CATSPERD: variants seen among roughly 807,000 people sequenced by gnomAD.
CATSPERD encodes catsper channel auxiliary subunit delta.
CATSPERD carries 86 observed loss-of-function variants against 98.1 expected under a neutral mutation model. The ratio of observed to expected loss-of-function variants is 0.88; its 90% CI spans 0.74 to 1.05. CATSPERD has a LOEUF of 1.05. Ranked by LOEUF, CATSPERD falls within the 50% of genes least tolerant of loss-of-function variation. The probability of loss-of-function intolerance (pLI) is 0.00; values close to 1 mark genes in which losing one functional copy is unlikely to be tolerated. For missense variants in CATSPERD, 995 were observed against 1,005.7 expected, an observed-to-expected ratio of 0.99 and a Z score of 0.14; for synonymous variants, 394 against 390.2, an observed-to-expected ratio of 1.01 and a Z score of -0.12.
intron 9 of CATSPERD, among the ~76,000 whole-genome samples, chr19:5,746,861 G>A (rs1017783331): frequency 1.3e-5 from 2 of 151,336 alleles, no homozygotes; most frequent in South Asian, 2.1e-4. Context: ...AAGCTGTGCC[G>A]AGTCCTGATT....
chr19:5,727,202 A>T, intron 2 of CATSPERD, 66 bp from the exon 3 acceptor site: 1 of 1,342,708 alleles, frequency 7.4e-7, no homozygotes, highest in African/African-American at 1.5e-5. Context: ...TCTCAAAAAA[A>T]AAAATTATTT....
intron 14 of CATSPERD, among the ~76,000 whole-genome samples, chr19:5,758,419 C>T (rs894689492): frequency 2.0e-5 from 3 of 151,910 alleles, no homozygotes; most frequent in South Asian, 2.1e-4. Context: ...CTTTCACAGG[C>T]GGTGGGACTA....
In CATSPERD at chr19:5,757,865, C is replaced by T. The variant is rs1415890178; in HGVS notation, c.1301C>T (p.Ser434Phe). Residue 434 changes from serine (S) to phenylalanine (F), a missense_variant, in exon 14 of 22, where the codon TCC becomes TTC. By Grantham distance (155) the Ser-to-Phe change is radical. Coordinates refer to ENST00000381624, the MANE Select transcript of CATSPERD (RefSeq NM_152784.4). ...CAGGTGATGGTGAGCAACCCCCACTCCCTGGGGTTCCAGGCCACCTTCTAC... is the reference window on the plus strand; with the variant it reads ...CAGGTGATGGTGAGCAACCCCCACTTCCTGGGGTTCCAGGCCACCTTCTAC... ...IPLVMVSNPH[S>F]LGFQATFYEN... 6.2e-7 allele frequency: 1 copy of T among 1,613,312 alleles called. No individual in the cohort carries two copies. The highest frequency in any genetic ancestry group is 8.5e-7 in the Non-Finnish European group (1 of 1,179,780).
At chr19:5,740,019 C>T (rs564588084) in intron 7 of CATSPERD, among the ~76,000 whole-genome samples, 3 of 152,084 alleles carry the variant, frequency 2.0e-5, no homozygotes, top group Admixed American at 6.6e-5. Context: ...CGGTGCCTCA[C>T]GCATGTAATC....
chr19:5,733,925 G>C lies in CATSPERD; in HGVS notation c.346G>C (p.Val116Leu). 1 of 1,611,292 alleles carries C rather than the reference G, an allele frequency of 6.2e-7. No individual in the cohort carries two copies. The highest frequency in any genetic ancestry group is 2.2e-5 in the East Asian group (1 of 44,874). Residue 116 changes from valine to leucine, a missense_variant, in exon 5 of 22, where the codon GTC becomes CTC. This residue lies in a region of CATSPERD where 228 missense variants were observed against 209.6 expected (regional missense o/e 1.09). Transcript: ENST00000381624. ...SLLLLVVDQK[V>L]YIYDYENNSW... ...ATTGCTGTTAGTAGTGGATCAAAAAGTCTATATTTATGATTATGAAAATAA... is the reference window on the plus strand; with the variant it reads ...ATTGCTGTTAGTAGTGGATCAAAAACTCTATATTTATGATTATGAAAATAA...
chr19:5,776,350 G>A (rs1021397385), intron 21 of CATSPERD, 35 bp downstream of exon 21: 6 of 1,606,086 alleles, frequency 3.7e-6, no homozygotes, highest in South Asian at 1.1e-5. Flanking sequence ...GACAGGGGAC[G>A]CCTGGTGCCC....
intron 7 of CATSPERD, among the ~76,000 whole-genome samples, chr19:5,743,275 C>CCTGGGCGACAAGAGTGTAA: frequency 6.6e-6 from 1 of 151,934 alleles, no homozygotes; most frequent in Admixed American, 6.6e-5. Flanking sequence ...TGCACTCCAG[C>CCTGGGCGACAAGAGTGTAA]CTGGGCGACA....
At chr19:5,765,737 A>AG (rs989671519) in intron 16 of CATSPERD, among the ~76,000 whole-genome samples, 1 of 152,012 alleles carries the variant, frequency 6.6e-6, no homozygotes, top group Non-Finnish European at 1.5e-5. Context: ...GCTTGAACCC[A>AG]GGGGGAGGAT....
chr19:5,776,837 C>T (rs111553826), intron 21 of CATSPERD, among the ~76,000 whole-genome samples: 1,712 of 149,970 alleles, frequency 0.011, 32 homozygotes, highest in African/African-American at 0.04. Flanking sequence ...TTGCGCCACT[C>T]ACTGGCCTCT....
chr19:5,774,715 A>AAAAT (rs200314328), intron 20 of CATSPERD, among the ~76,000 whole-genome samples: 1 of 148,390 alleles, frequency 6.7e-6, no homozygotes, highest in Admixed American at 6.8e-5. Flanking sequence ...ATAAAATTTA[A>AAAAT]AAATAAATAA....
intron 9 of CATSPERD, 94 bp downstream of exon 9, chr19:5,746,157 C>G: frequency 7.5e-7 from 1 of 1,327,154 alleles, no homozygotes; most frequent in Non-Finnish European, 1.0e-6. Context: ...AGGAGCAACC[C>G]CTCGACCACT....
chr19:5,733,512 A>G (rs1235231741), intron 4 of CATSPERD, among the ~76,000 whole-genome samples: 1 of 146,652 alleles, frequency 6.8e-6, no homozygotes, highest in Non-Finnish European at 1.5e-5. Context: ...ACCAGGCTGG[A>G]GTGACCCAGT....
At position 5,739,356 on chromosome 19, in the gene CATSPERD, C is replaced by T. The variant is rs371002531; in HGVS notation, c.490C>T (p.Arg164Cys). The change falls in exon 7 of 22, where the codon CGT (arginine) becomes TGT (cysteine). Residue 164 changes from arginine to cysteine, a missense_variant. Coordinates refer to ENST00000381624, the MANE Select transcript of CATSPERD (RefSeq NM_152784.4). ...CAGTAATTTGGTTTTTGCATATTTC[C>T]GTGGAGATCAGATATCCCAGACTTA... ...HVSNLVFAYF[R>C]GDQISQTYIY... 22 of 1,584,636 alleles carry T rather than the reference C, an allele frequency of 1.4e-5. No individual in the cohort carries two copies. The highest frequency in any genetic ancestry group is 3.7e-5 in the Admixed American group (2 of 54,330).
rs1246115427 is a variant in CATSPERD, at chr19:5,727,412, C to A, written c.203+68C>A. On this transcript the variant is annotated intron_variant, in intron 3 of 21. Transcript: ENST00000381624. ...AATCTTTAGATTTGCCCCATTCATTCGTTCAACAAACAGTAAAGAAGATGG... is the reference window on the plus strand; with the variant it reads ...AATCTTTAGATTTGCCCCATTCATTAGTTCAACAAACAGTAAAGAAGATGG... 4 of 1,182,958 alleles carry A rather than the reference C, an allele frequency of 3.4e-6. No individual in the cohort carries two copies. In the African/African-American group the frequency reaches 6.1e-5, roughly 18 times the overall value. The allele number at this position is 1,182,958 out of a possible 1,614,324, so 73.3% of individuals were successfully genotyped here.
At chr19:5,746,354 C>T (rs755898317) in intron 9 of CATSPERD, among the ~76,000 whole-genome samples, 1 of 152,082 alleles carries the variant, frequency 6.6e-6, no homozygotes, top group Non-Finnish European at 1.5e-5. Flanking sequence ...CTTTAGGTCG[C>T]GTCTGGGAAA....
chr19:5,720,902 T>C (rs950906629), intron 1 of CATSPERD, 94 bp downstream of exon 1: 5 of 979,034 alleles, frequency 5.1e-6, no homozygotes, highest in African/African-American at 3.3e-5. Flanking sequence ...CCAACCTCAC[T>C]GAGGCTCCCC....
chr19:5,747,263 C>T (rs752776869), intron 9 of CATSPERD, among the ~76,000 whole-genome samples: 1 of 150,938 alleles, frequency 6.6e-6, no homozygotes, highest in Non-Finnish European at 1.5e-5. Context: ...GCCTCCCCAC[C>T]TCTCAGGCTC....
intron 5 of CATSPERD, among the ~76,000 whole-genome samples, 195 bp downstream of exon 5, chr19:5,734,165 T>C (rs1484792030): frequency 1.3e-5 from 2 of 152,152 alleles, no homozygotes; most frequent in East Asian, 3.9e-4. Context: ...CCATCATGGA[T>C]TGTAGTCACA....
Position 5,778,666 on chromosome 19 carries a change from C to G in CATSPERD, c.2387C>G (p.Ser796Cys), listed in dbSNP as rs746525042. Residue 796 changes from serine to cysteine, a missense_variant, in exon 22 of 22, where the codon TCT becomes TGT. Transcript: ENST00000381624. ...CACCGCACTCCTCACGGAGGCAGGT[C>G]TGACCACTGAGGCCGGTCCACAGGG... ...GRHRTPHGGR[S>C]DH 6.2e-7 allele frequency: 1 copy of G among 1,612,038 alleles called. No individual in the cohort carries two copies. The highest frequency in any genetic ancestry group is 8.5e-7 in the Non-Finnish European group (1 of 1,179,148).
Sources: allele counts gnomAD v4.1 joint callset (sites outside exome capture counted in the v4.1 genomes callset), GRCh38; gene constraint gnomAD v4.1.1; regional missense constraint gnomAD v4.1.1; transcripts MANE v1.5; gene names NCBI Gene and HGNC (gene_info 2026-07-23, HGNC 2026-07-21).